PDXDC1: variants seen among roughly 807,000 people sequenced by gnomAD.
PDXDC1 encodes pyridoxal-dependent decarboxylase domain-containing protein 1.
PDXDC1 carries 42 observed loss-of-function variants against 100.1 expected under a neutral mutation model. The observed-to-expected ratio is 0.42, with a 90% CI of 0.33 to 0.54. The LOEUF (loss-of-function observed/expected upper bound fraction) is 0.54, where lower values mean the gene tolerates loss of function less well. Ranked by LOEUF, PDXDC1 falls within the 20% of genes least tolerant of loss-of-function variation. The probability of loss-of-function intolerance (pLI) is 0.10; values close to 1 mark genes in which losing one functional copy is unlikely to be tolerated. For missense variants in PDXDC1, 636 were observed against 979.2 expected, an observed-to-expected ratio of 0.65 and a Z score of 4.68; for synonymous variants, 260 against 371.7, an observed-to-expected ratio of 0.70 and a Z score of 3.46.
chr16:15,067,861 G>A (rs925358426), intron 16 of PDXDC1, among the ~76,000 whole-genome samples: 17 of 152,012 alleles, frequency 1.1e-4, no homozygotes, highest in African/African-American at 4.1e-4. Flanking sequence ...GGGCTCAAGT[G>A]ATCCTCCTAC....
At chr16:15,131,101 T>C (rs754067053) in intron 16 of PDXDC1, 497 of 1,606,666 alleles carry the variant, frequency 3.1e-4, no homozygotes, top group Non-Finnish European at 3.9e-4. Flanking sequence ...CAGCAGCGTA[T>C]AGTTGAGCTG....
At chr16:15,104,671 C>T in intron 16 of PDXDC1, 1 of 1,597,520 alleles carries the variant, frequency 6.3e-7, no homozygotes, top group South Asian at 1.1e-5. Context: ...GGCTGGTGGC[C>T]CATCCTGTTT....
At chr16:15,033,455 C>T in intron 19 of PDXDC1, 56 bp downstream of exon 19, 1 of 1,584,884 alleles carries the variant, frequency 6.3e-7, no homozygotes, top group Non-Finnish European at 8.7e-7. Context: ...CACCAAACAG[C>T]AGGGGCCACG....
chr16:14,976,506 A>G (rs1466723222), intron 1 of PDXDC1, among the ~76,000 whole-genome samples: 2 of 152,300 alleles, frequency 1.3e-5, no homozygotes, highest in Non-Finnish European at 2.9e-5. Flanking sequence ...TTCTTGTGCC[A>G]TCTCTGGGGT....
At chr16:15,062,354 T>C (rs1459094327) in intron 16 of PDXDC1, among the ~76,000 whole-genome samples, 1 of 152,172 alleles carries the variant, frequency 6.6e-6, no homozygotes, top group African/African-American at 2.4e-5. Flanking sequence ...GTGAATGAAT[T>C]ACACGCCCCT....
intron 6 of PDXDC1, among the ~76,000 whole-genome samples, chr16:15,007,091 T>C (rs568461033): frequency 6.6e-6 from 1 of 152,374 alleles, no homozygotes; most frequent in Non-Finnish European, 1.5e-5. Context: ...CTGTATTTTA[T>C]TTAGGGTTAT....
the PDXDC1 span, among the ~76,000 whole-genome samples, chr16:15,148,791 C>T: frequency 2.0e-5 from 3 of 152,128 alleles, no homozygotes; most frequent in Non-Finnish European, 4.4e-5. Context: ...TCTCCACAGT[C>T]GCCTCTGCAG....
At chr16:15,070,054 C>G (rs2045155443) in intron 16 of PDXDC1, 1 of 1,402,872 alleles carries the variant, frequency 7.1e-7, no homozygotes, top group Non-Finnish European at 9.9e-7. Context: ...CAGTCCAGCA[C>G]TCCCACAACA....
intron 16 of PDXDC1, chr16:15,044,214 G>A: frequency 1.5e-6 from 1 of 674,330 alleles, no homozygotes; most frequent in Admixed American, 2.2e-5. Flanking sequence ...CTGTTTCTCT[G>A]TGCTGCTCCA....
intron 16 of PDXDC1, among the ~76,000 whole-genome samples, chr16:15,030,580 G>T: frequency 1.5e-5 from 2 of 132,084 alleles, no homozygotes; most frequent in East Asian, 2.5e-4. Flanking sequence ...GTCATCACAT[G>T]AATTCCTTTT....
chr16:15,027,912 G>T (rs1216028608), intron 14 of PDXDC1, among the ~76,000 whole-genome samples: 9 of 152,278 alleles, frequency 5.9e-5, no homozygotes, highest in African/African-American at 2.2e-4. Flanking sequence ...GGTCCGTGGG[G>T]GTAGAGTCCT....
In PDXDC1 at chr16:15,037,263, TC is replaced by T. The variant is rs1484738810; in HGVS notation, c.*990del. 3 of 152,230 alleles carry T rather than the reference TC, an allele frequency of 2.0e-5. No individual in the cohort carries two copies. The highest frequency in any genetic ancestry group is 4.8e-5 in the African/African-American group (2 of 41,462). The allele number at this position is 152,230 out of a possible 1,614,324, so 9.4% of individuals were successfully genotyped here. On this transcript the variant is annotated 3_prime_UTR_variant, in exon 23 of 23. Transcript: ENST00000396410. ...GTAGAAGCTCGCTGGCACTGCCCGT[TC>T]CTACTTTTCCGAAGTACTGCGTCAC...
At chr16:15,044,457 T>C in intron 16 of PDXDC1, 3 of 1,161,604 alleles carry the variant, frequency 2.6e-6, no homozygotes, top group Non-Finnish European at 3.9e-6. Context: ...CACCGGTGCG[T>C]GCGCTGGTCT....
intron 1 of PDXDC1, among the ~76,000 whole-genome samples, chr16:14,977,117 C>A (rs1966875716): frequency 6.6e-6 from 1 of 152,264 alleles, no homozygotes; most frequent in South Asian, 2.1e-4. Flanking sequence ...ATGAGGATCG[C>A]AAGAGGGACT....
At chr16:15,024,381 T>C (rs1378602588) in intron 13 of PDXDC1, among the ~76,000 whole-genome samples, 1 of 151,506 alleles carries the variant, frequency 6.6e-6, no homozygotes, top group Non-Finnish European at 1.5e-5. Context: ...CTGGAAACAC[T>C]GTTTCCCACC....
the PDXDC1 span, among the ~76,000 whole-genome samples, chr16:15,145,530 G>A: frequency 6.6e-6 from 1 of 152,266 alleles, no homozygotes; most frequent in Admixed American, 6.5e-5. Flanking sequence ...CCTGTCTTCA[G>A]ATCATGGCGC....
intron 16 of PDXDC1, among the ~76,000 whole-genome samples, chr16:15,077,155 T>G (rs1018612943): frequency 1.3e-5 from 2 of 151,646 alleles, no homozygotes; most frequent in Non-Finnish European, 2.9e-5. Flanking sequence ...AATTTTGTAT[T>G]TTTAGTAGAG....
chr16:15,032,735 C>T (rs546148392), intron 17 of PDXDC1, 126 bp from the exon 18 acceptor site: 13 of 633,352 alleles, frequency 2.1e-5, no homozygotes, highest in African/African-American at 3.7e-5. Flanking sequence ...TGGAGACACT[C>T]GCAGTAGCTC....
chr16:15,015,015 A>T (rs1210123087), intron 8 of PDXDC1, among the ~76,000 whole-genome samples: 2 of 152,270 alleles, frequency 1.3e-5, no homozygotes, highest in Non-Finnish European at 2.9e-5. Context: ...TCGGCTCACT[A>T]CAAGCTCTGC....
Sources: allele counts gnomAD v4.1 joint callset (sites outside exome capture counted in the v4.1 genomes callset), GRCh38; gene constraint gnomAD v4.1.1; transcripts MANE v1.5; gene names NCBI Gene and HGNC (gene_info 2026-07-23, HGNC 2026-07-21).